Variants in LTBP1 observed in about 807,000 individuals in gnomAD.
LTBP1 encodes latent-transforming growth factor beta-binding protein 1.
A neutral mutation model predicts 207.6 loss-of-function variants in LTBP1; 129 were observed. The ratio of observed to expected loss-of-function variants is 0.62; its 90% CI spans 0.54 to 0.72. The LOEUF is 0.72. LTBP1 is among the 30% of genes least tolerant of loss of function. The pLI is 0.00. For missense variants in LTBP1, 2,281 were observed against 2,217.2 expected (o/e 1.03, Z -0.58); for synonymous variants, 963 against 833.7 (o/e 1.16, Z -2.67).
At chr2:33,004,786 A>AAT (rs34777461) in intron 2 of LTBP1, among the ~76,000 whole-genome samples, 1,256 of 101,064 alleles carry the variant, frequency 0.012, 25 homozygotes, top group African/African-American at 0.022. Flanking sequence ...AAAAAAAAGG[A>AAT]ATATATATAT....
At chr2:33,373,068 T>G (rs2095089558) in intron 31 of LTBP1, among the ~76,000 whole-genome samples, 1 of 152,216 alleles carries the variant, frequency 6.6e-6, no homozygotes, top group South Asian at 2.1e-4. Flanking sequence ...ATAAGTAAAT[T>G]GTTAAAGTAA....
chr2:33,009,218 A>G (rs1273697767), intron 2 of LTBP1, among the ~76,000 whole-genome samples: 1 of 152,116 alleles, frequency 6.6e-6, no homozygotes, highest in Non-Finnish European at 1.5e-5. Flanking sequence ...CAGATTCAGG[A>G]TGTCTTTAAA....
At chr2:33,068,887 C>G (rs892222588) in intron 3 of LTBP1, among the ~76,000 whole-genome samples, 2 of 152,186 alleles carry the variant, frequency 1.3e-5, no homozygotes, top group Admixed American at 6.5e-5. Context: ...TGGCCCACAA[C>G]TAAAATATAT....
rs532512635 is a variant in LTBP1, at chr2:33,028,540, C to T, written c.863+7334C>T. On this transcript the variant is annotated intron_variant, in intron 3 of 33. Coordinates refer to ENST00000404816, the MANE Select transcript of LTBP1 (RefSeq NM_206943.4). ...AAAATTAGCTGGGCATAGTGGCGAG[C>T]GCCTGTAATCCCAGCTGTATCTCAG... Among the ~76,000 whole-genome samples, 13 of 152,222 alleles carry T rather than the reference C, an allele frequency of 8.5e-5. No homozygotes were observed. In the South Asian group the frequency reaches 1.0e-3, roughly 12 times the overall value.
intron 7 of LTBP1, among the ~76,000 whole-genome samples, chr2:33,215,066 G>A (rs550147403): frequency 1.2e-3 from 188 of 151,876 alleles, no homozygotes; most frequent in African/African-American, 4.2e-3. Context: ...CCACTCACAC[G>A]CCTTCTACTC....
At chr2:33,076,506 AG>A (rs1209815504) in intron 3 of LTBP1, among the ~76,000 whole-genome samples, 3 of 151,408 alleles carry the variant, frequency 2.0e-5, no homozygotes, top group Non-Finnish European at 4.4e-5. Context: ...TTAGCGAGGG[AG>A]GGGGTATCAT....
intron 3 of LTBP1, among the ~76,000 whole-genome samples, chr2:33,096,174 A>G (rs2079378900): frequency 6.6e-6 from 1 of 152,216 alleles, no homozygotes; most frequent in African/African-American, 2.4e-5. Flanking sequence ...AATAGTACAA[A>G]TGATCACTTC....
intron 3 of LTBP1, among the ~76,000 whole-genome samples, chr2:33,051,182 TGAAG>T (rs1451864178): frequency 1.3e-5 from 2 of 152,090 alleles, no homozygotes; most frequent in African/African-American, 4.8e-5. Context: ...TTTAGGAGGC[TGAAG>T]GAAGAGAATC....
rs531236200 is a variant in LTBP1 at position 33,290,137 on chromosome 2, T to TTTA, written c.3113-3021_3113-3019dup. On this transcript the variant is annotated intron_variant, in intron 19 of 33. Transcript: ENST00000404816. ...GAGCAAAACACAGAGGCAACCTCAC[T>TTTA]TTATAACAATCCACTCTCTTGGGAA... Among the ~76,000 whole-genome samples, 142 of 152,312 alleles carry TTTA rather than the reference T, an allele frequency of 9.3e-4. 1 individual carries two copies. Among genetic ancestry groups the TTTA allele is most frequent in the South Asian group, 2.5e-3 (12 of 4,828 alleles).
intron 2 of LTBP1, among the ~76,000 whole-genome samples, chr2:32,954,448 G>A (rs745660559): frequency 6.6e-6 from 1 of 151,934 alleles, no homozygotes; most frequent in African/African-American, 2.4e-5. Flanking sequence ...TCTCTTCCCT[G>A]TGTCTTTATA....
intron 3 of LTBP1, among the ~76,000 whole-genome samples, chr2:33,026,284 A>C (rs915298149): frequency 5.3e-5 from 8 of 152,102 alleles, no homozygotes; most frequent in African/African-American, 1.4e-4. Context: ...ACTCTCTCCC[A>C]GGTTTCTCTT....
rs746494184 is a variant in LTBP1, at chr2:33,389,162, A to G, written c.4712-22A>G. On this transcript the variant is annotated intron_variant, in intron 31 of 33. Coordinates refer to ENST00000404816, the MANE Select transcript of LTBP1 (RefSeq NM_206943.4). ...TGCGAGCTAACAGTGGTGGGGCCTC[A>G]TGCTGCTTGTCTACTCCTTAGATGA... 3.7e-6 allele frequency: 6 copies of G among 1,613,838 alleles called. No homozygotes were observed. The African/African-American group carries it at 6.7e-5, about 18-fold the overall frequency.
intron 32 of LTBP1, among the ~76,000 whole-genome samples, chr2:33,395,266 C>T (rs1203109661): frequency 6.6e-6 from 1 of 152,142 alleles, no homozygotes; most frequent in Non-Finnish European, 1.5e-5. Flanking sequence ...GAGCAGAAGA[C>T]CGAGTTCCTC....
chr2:33,157,327 C>T (rs2084052473), intron 5 of LTBP1, among the ~76,000 whole-genome samples: 1 of 152,162 alleles, frequency 6.6e-6, no homozygotes, highest in Admixed American at 6.5e-5. Flanking sequence ...TTCAGTGGCT[C>T]ATTTACTGTC....
At chr2:33,339,010 G>A (rs1480910764) in intron 24 of LTBP1, among the ~76,000 whole-genome samples, 1 of 152,066 alleles carries the variant, frequency 6.6e-6, no homozygotes, top group East Asian at 1.9e-4. Context: ...ATTTTGCAGA[G>A]AGCACATTGG....
chr2:33,197,488 T>C (rs1312127238), intron 7 of LTBP1, among the ~76,000 whole-genome samples: 4 of 152,180 alleles, frequency 2.6e-5, no homozygotes, highest in African/African-American at 9.6e-5. Flanking sequence ...GAGGCCAAGT[T>C]TCAGAAAATA....
intron 7 of LTBP1, among the ~76,000 whole-genome samples, chr2:33,190,222 C>T (rs2087705778): frequency 6.6e-6 from 1 of 152,154 alleles, no homozygotes; most frequent in Non-Finnish European, 1.5e-5. Flanking sequence ...ATGATGGAGG[C>T]TTCGTTCTGT....
chr2:33,395,593 A>G (rs2095351183), intron 32 of LTBP1, among the ~76,000 whole-genome samples: 1 of 152,106 alleles, frequency 6.6e-6, no homozygotes, highest in Admixed American at 6.5e-5. Context: ...TAATCTTAGA[A>G]TGTAAGAGAA....
At position 33,273,728 on chromosome 2, in the gene LTBP1, C is replaced by T. The variant is rs1368162916; in HGVS notation, c.2690C>T (p.Thr897Ile). Reference protein sequence around the residue: ...GHCINLPVRYTCICYEGYRFS... With the variant: ...GHCINLPVRYICICYEGYRFS... Reference sequence around the variant, plus strand: ...TGCATTAACCTACCAGTGAGATATACCTGTATATGCTACGAGGGCTACAGG... The same window carrying T: ...TGCATTAACCTACCAGTGAGATATATCTGTATATGCTACGAGGGCTACAGG... The change falls in exon 16 of 34, where the codon ACC (threonine) becomes ATC (isoleucine). Residue 897 changes from threonine to isoleucine, a missense_variant. Thr to Ile is a moderately conservative substitution (Grantham distance 89, BLOSUM62 -1). Around this residue, in one of 3 missense-constraint regions of LTBP1, gnomAD observed 1,671 missense variants for 1,634.8 expected, o/e 1.02. Coordinates refer to ENST00000404816, the MANE Select transcript of LTBP1 (RefSeq NM_206943.4). The T allele has an allele frequency of 1.9e-6, 3 of 1,611,824 alleles. No homozygotes were observed. The highest frequency in any genetic ancestry group is 1.3e-5 in the African/African-American group (1 of 74,922).
Sources: allele counts gnomAD v4.1 joint callset (sites outside exome capture counted in the v4.1 genomes callset), GRCh38; gene constraint gnomAD v4.1.1; regional missense constraint gnomAD v4.1.1; transcripts MANE v1.5; gene names NCBI Gene and HGNC (gene_info 2026-07-23, HGNC 2026-07-21).